ITGA3: variants seen among roughly 807,000 people sequenced by gnomAD.
ITGA3 encodes the protein integrin subunit alpha 3, also known as integrin alpha-3.
Under a neutral mutation model 131.1 loss-of-function variants are expected in ITGA3, and 70 were observed. That is an observed-to-expected ratio of 0.53 (90% CI 0.44 to 0.65). ITGA3 has a LOEUF of 0.65. ITGA3 is among the 30% of genes least tolerant of loss of function. The pLI, the probability that ITGA3 is intolerant of heterozygous loss-of-function variation, is 0.00. For synonymous variants in ITGA3, 537 were observed against 571.6 expected, an observed-to-expected ratio of 0.94 and a Z score of 0.86; for missense variants, 1,098 against 1,388.6, an observed-to-expected ratio of 0.79 and a Z score of 3.33.
intron 23 of ITGA3, chr17:50,086,244 TAA>T (rs1909420469): frequency 7.0e-6 from 1 of 142,618 alleles, no homozygotes; most frequent in African/African-American, 2.6e-5. Flanking sequence ...TATACATGTA[TAA>T]TATATATATT....
chr17:50,076,201 C>T, intron 12 of ITGA3, 125 bp from the exon 13 acceptor site: 1 of 1,108,896 alleles, frequency 9.0e-7, no homozygotes, highest in South Asian at 1.5e-5. Context: ...GGGAGTTCAG[C>T]CTAACTGTCA....
At chr17:50,071,627 A>T in intron 6 of ITGA3, 109 bp downstream of exon 6, 1 of 1,075,892 alleles carries the variant, frequency 9.3e-7, no homozygotes, top group Non-Finnish European at 1.3e-6. Flanking sequence ...GGCTGTCTGC[A>T]TGTTGTTTGC....
At chr17:50,083,297 A>G (rs555332210) in intron 23 of ITGA3, among the ~76,000 whole-genome samples, 91 of 152,366 alleles carry the variant, frequency 6.0e-4, no homozygotes, top group African/African-American at 2.0e-3. Flanking sequence ...GCCAGGATAC[A>G]ATATACAGAA....
At position 50,078,143 on chromosome 17, in the gene ITGA3, G is replaced by C. The variant is rs1240780049; in HGVS notation, c.2219+18G>C. On this transcript the variant is annotated intron_variant, in intron 17 of 25. Coordinates refer to ENST00000320031, the MANE Select transcript of ITGA3 (RefSeq NM_002204.4). ...CTCTCCACGTGAGTGACCTCGAAAA[G>C]CCAGTCTGGGTCAGGGCTGAGGTAT... 1 of 1,613,406 alleles carries C rather than the reference G, an allele frequency of 6.2e-7. No individual in the cohort carries two copies. The highest frequency in any genetic ancestry group is 1.1e-5 in the South Asian group (1 of 91,058).
Position 50,074,448 on chromosome 17 carries a change from G to A in ITGA3, c.1383G>A (p.Arg461=). Residue 461 remains arginine (R), a splice_region_variant and synonymous_variant, in exon 10 of 26, where the codon CGG becomes CGA. Transcript: ENST00000320031. ...CTGTCTGGCTCTGTTGTCTCTGCAGGGCCCGGCCCGTCATCAACATCGTCC... is the reference window on the plus strand; with the variant it reads ...CTGTCTGGCTCTGTTGTCTCTGCAGAGCCCGGCCCGTCATCAACATCGTCC... ...GSLSDHIVLL[R]ARPVINIVHK... 1 of 1,613,898 alleles carries A rather than the reference G, an allele frequency of 6.2e-7. No individual in the cohort carries two copies.
chr17:50,064,394 G>A lies in ITGA3; in HGVS notation c.335-134G>A. The A allele has an allele frequency of 5.3e-6, 6 of 1,121,654 alleles. No individual in the cohort carries two copies. The highest frequency in any genetic ancestry group is 2.2e-5 in the Admixed American group (1 of 44,958). 69.5% of individuals were successfully genotyped at this position (1,121,654 alleles called of 1,614,324 possible). On this transcript the variant is annotated intron_variant, in intron 2 of 25. Transcript: ENST00000320031. The surrounding 1 kb of genome is among the most constrained non-coding windows in gnomAD (Gnocchi z 4.4). ...TTGGTAGAGCTCAGAATAATGACGA[G>A]CTGGAGAAGGGGAGTTGGGAGGGCT...
intron 1 of ITGA3, among the ~76,000 whole-genome samples, chr17:50,062,513 G>A (rs1598180352): frequency 1.3e-5 from 2 of 152,316 alleles, no homozygotes; most frequent in East Asian, 1.9e-4. Context: ...AGCCTCCCTG[G>A]CCAGGAAGCT....
chr17:50,085,810 T>C (rs1233592822), intron 23 of ITGA3, among the ~76,000 whole-genome samples: 23 of 131,856 alleles, frequency 1.7e-4, no homozygotes, highest in African/African-American at 6.4e-4. Flanking sequence ...TTATACATTA[T>C]AGATTTATAA....
chr17:50,078,811 T>G lies in ITGA3; in HGVS notation c.2298-13T>G. ...CTTGTCCCCCGTGACTCCAGCATCC[T>G]TCTTACCCCTAGGGTAAATCACCGG... On this transcript the variant is annotated splice_polypyrimidine_tract_variant and intron_variant, in intron 18 of 25. Coordinates refer to ENST00000320031, the MANE Select transcript of ITGA3 (RefSeq NM_002204.4). 3 of 1,550,616 alleles carry G rather than the reference T, an allele frequency of 1.9e-6. No individual in the cohort carries two copies. Among genetic ancestry groups the G allele is most frequent in the Non-Finnish European group, 2.7e-6 (3 of 1,122,286 alleles).
At chr17:50,080,129 T>C (rs1038312322) in intron 21 of ITGA3, 133 bp from the exon 22 acceptor site, 2 of 573,276 alleles carry the variant, frequency 3.5e-6, no homozygotes, top group South Asian at 2.3e-5. Context: ...TGTGCATGAG[T>C]GAAAGGAAGT....
chr17:50,079,283 C>T, intron 20 of ITGA3, 25 bp downstream of exon 20: 2 of 1,609,906 alleles, frequency 1.2e-6, no homozygotes, highest in Non-Finnish European at 1.7e-6. Flanking sequence ...AGGGATATTT[C>T]ATTTGCATGC....
At position 50,068,248 on chromosome 17, in the gene ITGA3, G is replaced by A. The variant is rs201830820; in HGVS notation, c.607G>A (p.Gly203Ser). 1.3e-4 allele frequency: 208 copies of A among 1,613,900 alleles called. No homozygotes were observed. In the South Asian group the frequency reaches 1.5e-3, roughly 11 times the overall value. The change falls in exon 4 of 26, where the codon GGT becomes AGT. Residue 203 changes from glycine to serine, a missense_variant. By Grantham distance (56) the Gly-to-Ser change is moderately conservative. Transcript: ENST00000320031. ...GGGCATGTGCCAGCTGGGCACCAGC[G>A]GTGGCTTCACCCAGAACACTGTGTA... Reference protein sequence around the residue: ...ETGMCQLGTSGGFTQNTVYFG... With the variant: ...ETGMCQLGTSSGFTQNTVYFG...
At chr17:50,060,797 A>G (rs1431551402) in intron 1 of ITGA3, among the ~76,000 whole-genome samples, 2 of 151,980 alleles carry the variant, frequency 1.3e-5, no homozygotes, top group Non-Finnish European at 2.9e-5. Context: ...AGCTGAGGGG[A>G]TGGGTTCAGT....
At chr17:50,075,827 C>T in intron 12 of ITGA3, 92 bp downstream of exon 12, 1 of 1,363,936 alleles carries the variant, frequency 7.3e-7, no homozygotes, top group Non-Finnish European at 1.0e-6. Flanking sequence ...GGACGGGGGT[C>T]TCCCCAGAGA....
At position 50,056,130 on chromosome 17, in the gene ITGA3, A is replaced by C; in HGVS notation, c.-310A>C. The C allele has an allele frequency of 9.7e-6, 3 of 308,542 alleles. No individual in the cohort carries two copies. Among genetic ancestry groups the C allele is most frequent in the Non-Finnish European group, 1.2e-5 (2 of 169,026 alleles). The allele number at this position is 308,542 out of a possible 1,614,324, so 19.1% of individuals were successfully genotyped here. The stretch of plus-strand genomic sequence containing the variant: ...TTGCCAGATCCGCCGCGAAGCCGGG[A>C]TCGAAGGCGACAGCGCGGCCAAGGG... On this transcript the variant is annotated 5_prime_UTR_variant, in exon 1 of 26. Coordinates refer to ENST00000320031, the MANE Select transcript of ITGA3 (RefSeq NM_002204.4). This position sits in a 1 kb window ranked among gnomAD's most constrained non-coding sequence, Gnocchi z 5.6.
chr17:50,077,037 C>T lies in ITGA3; in HGVS notation c.1986C>T (p.Thr662=). The change falls in exon 15 of 26, where the codon ACC becomes ACT. Residue 662 remains threonine, a synonymous_variant. Transcript: ENST00000320031. ...GCATCAACGTGACGAACACCCGGAC[C>T]TCGGAGCGCTCCGGGGAGGACGCCC... ...LLSINVTNTR[T]SERSGEDAHE... is the part of the protein sequence containing the mutation. 1.2e-6 allele frequency: 2 copies of T among 1,610,262 alleles called. No homozygotes were observed. Among genetic ancestry groups the T allele is most frequent in the East Asian group, 2.2e-5 (1 of 44,768 alleles).
intron 22 of ITGA3, 133 bp from the exon 23 acceptor site, chr17:50,081,177 C>T: frequency 4.9e-6 from 3 of 609,926 alleles, no homozygotes; most frequent in Admixed American, 5.7e-5. Context: ...GGAGGCCTGG[C>T]TGACAGATCC....
intron 23 of ITGA3, among the ~76,000 whole-genome samples, chr17:50,085,349 T>C (rs1909340808): frequency 6.6e-6 from 1 of 151,510 alleles, no homozygotes; most frequent in African/African-American, 2.4e-5. Context: ...ATTACAGAGA[T>C]CGTAATTTCT....
Position 50,056,430 on chromosome 17 carries a change from GC to G in ITGA3, c.-9del. 2.7e-6 allele frequency: 4 copies of G among 1,475,816 alleles called. No homozygotes were observed. Among genetic ancestry groups the G allele is most frequent in the Non-Finnish European group, 3.6e-6 (4 of 1,117,318 alleles). 91.4% of individuals were successfully genotyped at this position (1,475,816 alleles called of 1,614,324 possible). A position where few individuals can be genotyped will look rare whatever the true frequency, so the allele number is the denominator to read the frequency against. ...GCGCTCTCGCCGGGACCCCGCTTCC[GC>G]TGGCAGCCATGGGCCCCGGCCCCAG... On this transcript the variant is annotated 5_prime_UTR_variant, in exon 1 of 26. Coordinates refer to ENST00000320031, the MANE Select transcript of ITGA3 (RefSeq NM_002204.4). This position sits in a 1 kb window ranked among gnomAD's most constrained non-coding sequence, Gnocchi z 5.6.
Sources: gnomAD v4.1 joint callset for allele counts (sites outside exome capture counted in the v4.1 genomes callset) on GRCh38, gnomAD v4.1.1 for gene constraint, Gnocchi (gnomAD v3.1) non-coding constraint, MANE v1.5 for transcripts, NCBI Gene and HGNC (gene_info 2026-07-23, HGNC 2026-07-21) for gene names.